Variants in CTNNA3 observed in about 807,000 individuals in gnomAD.
CTNNA3 encodes catenin alpha 3, also known as catenin alpha-3.
Under a neutral mutation model 95.7 loss-of-function variants are expected in CTNNA3, and 76 were observed. That is an observed-to-expected ratio of 0.79 (90% CI 0.66 to 0.96). The LOEUF (loss-of-function observed/expected upper bound fraction) is 0.96. CTNNA3 is among the 40% of genes least tolerant of loss of function. CTNNA3 has a pLI of 0.00. For missense variants in CTNNA3, 1,191 were observed against 1,089.8 expected (o/e 1.09, Z -1.31); for synonymous variants, 431 against 374.4 (o/e 1.15, Z -1.74).
chr10:66,996,250 C>A (rs1396382282), intron 7 of CTNNA3, among the ~76,000 whole-genome samples: 1 of 152,108 alleles, frequency 6.6e-6, no homozygotes, highest in African/African-American at 2.4e-5. Flanking sequence ...AATTTTAACG[C>A]ATCTTGAATC....
chr10:66,098,340 G>T lies in CTNNA3; in HGVS notation c.1977+4817C>A, dbSNP rs2081484665. Among the ~76,000 whole-genome samples, 4 of 152,122 alleles carry T rather than the reference G, an allele frequency of 2.6e-5. No individual in the cohort carries two copies. In the South Asian group the frequency reaches 8.3e-4, roughly 32 times the overall value. The stretch of plus-strand genomic sequence containing the variant: ...ACATGTTTGAGGCCAAAAGACCTGC[G>T]ATTTGGTCCCAGTTAATATGGCTTG... On this transcript the variant is annotated intron_variant, in intron 14 of 17. Transcript: ENST00000433211.
intron 13 of CTNNA3, among the ~76,000 whole-genome samples, chr10:66,189,756 G>T (rs1241516006): frequency 6.6e-6 from 1 of 150,962 alleles, no homozygotes; most frequent in Non-Finnish European, 1.5e-5. Flanking sequence ...TTATATTTAG[G>T]TATATGTTAC....
At chr10:66,871,514 A>T (rs1844402476) in intron 7 of CTNNA3, among the ~76,000 whole-genome samples, 1 of 148,222 alleles carries the variant, frequency 6.7e-6, no homozygotes, top group Non-Finnish European at 1.5e-5. Context: ...GTGAGCTGAG[A>T]TCGCACCACT....
chr10:66,807,744 T>C (rs1841711590), intron 7 of CTNNA3, among the ~76,000 whole-genome samples: 1 of 152,098 alleles, frequency 6.6e-6, no homozygotes, highest in Non-Finnish European at 1.5e-5. Flanking sequence ...AAATTCAGAG[T>C]TAAAAAGTTA....
intron 5 of CTNNA3, among the ~76,000 whole-genome samples, chr10:67,309,128 C>A (rs1190209963): frequency 1.3e-5 from 2 of 152,048 alleles, no homozygotes; most frequent in African/African-American, 4.8e-5. Context: ...TTCTTATTGT[C>A]TTTTTATGCA....
At chr10:67,344,968 A>C (rs10997616) in intron 5 of CTNNA3, among the ~76,000 whole-genome samples, 6,521 of 151,392 alleles carry the variant, frequency 0.043, 244 homozygotes, top group Non-Finnish European at 0.072. Flanking sequence ...CTTTTTTGAT[A>C]TAGACATTTA....
intron 7 of CTNNA3, among the ~76,000 whole-genome samples, chr10:67,069,697 T>C (rs929204642): frequency 6.6e-6 from 1 of 151,900 alleles, no homozygotes; most frequent in Admixed American, 6.6e-5. Context: ...TGTGTCTGAA[T>C]GTTGTGTCTC....
intron 13 of CTNNA3, among the ~76,000 whole-genome samples, chr10:66,251,857 G>GAAA (rs1347585009): frequency 1.3e-5 from 2 of 152,134 alleles, no homozygotes; most frequent in Non-Finnish European, 2.9e-5. Context: ...CTCAGTGGGA[G>GAAA]ATTTATCATC....
intron 7 of CTNNA3, among the ~76,000 whole-genome samples, chr10:67,166,908 A>T (rs1310018413): frequency 1.3e-5 from 2 of 152,150 alleles, no homozygotes; most frequent in African/African-American, 4.8e-5. Flanking sequence ...GGAGTTCAAG[A>T]CCAGCCTGGC....
At position 66,049,378 on chromosome 10, in the gene CTNNA3, G is replaced by A. The variant is rs141909841; in HGVS notation, c.2159+19930C>T. On this transcript the variant is annotated intron_variant, in intron 15 of 17. Transcript: ENST00000433211. The stretch of plus-strand genomic sequence containing the variant: ...TTCAACCATTGTGGAAAGCAGTATG[G>A]CAATTCCTCCAAGAGCTAAAAGCAA... 1.4e-3 allele frequency among the ~76,000 whole-genome samples: 218 copies of A among 152,262 alleles called. 3 individuals are homozygous for A. The highest frequency in any genetic ancestry group is 4.8e-3 in the African/African-American group (199 of 41,544).
intron 17 of CTNNA3, among the ~76,000 whole-genome samples, chr10:65,929,898 A>G (rs1189068135): frequency 6.6e-6 from 1 of 152,066 alleles, no homozygotes; most frequent in African/African-American, 2.4e-5. Context: ...TATAAGGTGA[A>G]CTGGAAAATA....
chr10:65,968,912 T>G (rs1017649794), intron 16 of CTNNA3, among the ~76,000 whole-genome samples: 2 of 152,208 alleles, frequency 1.3e-5, no homozygotes, highest in East Asian at 1.9e-4. Flanking sequence ...TAGGGAATTA[T>G]AGGCAAACCT....
chr10:67,029,442 G>C (rs980455676), intron 7 of CTNNA3, among the ~76,000 whole-genome samples: 1 of 152,132 alleles, frequency 6.6e-6, no homozygotes, highest in African/African-American at 2.4e-5. Context: ...GCATGGTTGA[G>C]GGTTGGTTTA....
At chr10:67,703,624 C>T (rs866478586) in intron 1 of CTNNA3, among the ~76,000 whole-genome samples, 5 of 152,132 alleles carry the variant, frequency 3.3e-5, no homozygotes, top group African/African-American at 1.2e-4. Context: ...TGGGATGTAT[C>T]TCAAAATAAT....
chr10:66,089,751 C>A (rs777141014), intron 14 of CTNNA3, among the ~76,000 whole-genome samples: 24 of 148,930 alleles, frequency 1.6e-4, no homozygotes, highest in Admixed American at 5.4e-4. Context: ...GAACCAGTAT[C>A]TCAGAGAAAT....
chr10:66,407,858 C>A lies in CTNNA3; in HGVS notation c.1532-28506G>T, dbSNP rs146586853. On this transcript the variant is annotated intron_variant, in intron 11 of 17. Transcript: ENST00000433211. ...CCTCCCAAAGTGCTGGGATTACAGG[C>A]GTGAGAAACCACACCCGGCCAACTT... Among the ~76,000 whole-genome samples, 158 of 152,268 alleles carry A rather than the reference C, an allele frequency of 1.0e-3. 1 individual carries two copies. The highest frequency in any genetic ancestry group is 3.7e-3 in the African/African-American group (153 of 41,546).
chr10:66,275,855 G>T (rs761485127), intron 13 of CTNNA3, among the ~76,000 whole-genome samples: 1 of 151,908 alleles, frequency 6.6e-6, no homozygotes, highest in Non-Finnish European at 1.5e-5. Context: ...GAAAATGACA[G>T]AAATTTATAG....
chr10:65,979,042 T>C (rs2078265272), intron 16 of CTNNA3, among the ~76,000 whole-genome samples: 2 of 152,148 alleles, frequency 1.3e-5, no homozygotes, highest in South Asian at 2.1e-4. Flanking sequence ...TGGGAAAGTA[T>C]GGTGCATGGC....
intron 13 of CTNNA3, among the ~76,000 whole-genome samples, chr10:66,229,787 C>T (rs772780480): frequency 1.3e-5 from 2 of 152,126 alleles, no homozygotes; most frequent in South Asian, 2.1e-4. Context: ...ACATTTTTAG[C>T]TATTATTTCA....
Sources: gnomAD v4.1 joint callset for allele counts (sites outside exome capture counted in the v4.1 genomes callset) on GRCh38, gnomAD v4.1.1 for gene constraint, MANE v1.5 for transcripts, NCBI Gene and HGNC (gene_info 2026-07-23, HGNC 2026-07-21) for gene names.